The following FARP1 variants were observed in gnomAD, a reference collection of about 807,000 sequenced individuals.
FARP1 encodes the protein FERM, ARH/RhoGEF and pleckstrin domain protein 1.
Under a neutral mutation model 128.8 loss-of-function variants are expected in FARP1, and 52 were observed. The observed-to-expected ratio is 0.40, with a 90% CI of 0.32 to 0.51. FARP1 has a LOEUF of 0.51. Ranked by LOEUF, FARP1 falls within the 20% of genes least tolerant of loss-of-function variation. FARP1 has a pLI of 0.45. For synonymous variants in FARP1, 580 were observed against 551.8 expected (o/e 1.05, Z -0.72); for missense variants, 1,333 against 1,367.9 (o/e 0.97, Z 0.40).
At chr13:98,331,202 A>T (rs920448831) in intron 2 of FARP1, among the ~76,000 whole-genome samples, 7 of 152,222 alleles carry the variant, frequency 4.6e-5, no homozygotes, top group Non-Finnish European at 1.0e-4. Context: ...TAGTCCTTCT[A>T]GACTGTCAGC....
intron 2 of FARP1, among the ~76,000 whole-genome samples, chr13:98,313,554 T>A (rs1180891458): frequency 6.6e-6 from 1 of 152,190 alleles, no homozygotes; most frequent in Non-Finnish European, 1.5e-5. Flanking sequence ...GAGAATAAAC[T>A]TCTGTTCCTT....
chr13:98,198,741 G>A (rs181632296), intron 1 of FARP1, among the ~76,000 whole-genome samples: 3 of 151,306 alleles, frequency 2.0e-5, no homozygotes, highest in African/African-American at 7.3e-5. Context: ...AGCTGGGCAC[G>A]GTGGCACATG....
At chr13:98,409,301 A>G in intron 13 of FARP1, 37 bp from the exon 14 acceptor site, 1 of 739,168 alleles carries the variant, frequency 1.4e-6, no homozygotes, top group South Asian at 2.2e-5. Flanking sequence ...GAAAAAAATT[A>G]CTTTTTTTTT....
At chr13:98,174,912 G>T (rs1042669156) in intron 1 of FARP1, among the ~76,000 whole-genome samples, 1 of 152,202 alleles carries the variant, frequency 6.6e-6, no homozygotes, top group South Asian at 2.1e-4. Flanking sequence ...ATCCTATCTC[G>T]CTCCTGGGTC....
At chr13:98,232,520 A>T (rs1882191798) in intron 2 of FARP1, among the ~76,000 whole-genome samples, 1 of 152,154 alleles carries the variant, frequency 6.6e-6, no homozygotes, top group South Asian at 2.1e-4. Flanking sequence ...TGCATTTCGC[A>T]TGTCTATTGG....
intron 16 of FARP1, among the ~76,000 whole-genome samples, chr13:98,420,916 C>A (rs1196115017): frequency 6.6e-6 from 1 of 152,234 alleles, no homozygotes. Flanking sequence ...TCTAGATGGG[C>A]AGCAGGAATT....
At chr13:98,179,756 C>G (rs1413925050) in intron 1 of FARP1, among the ~76,000 whole-genome samples, 1 of 152,056 alleles carries the variant, frequency 6.6e-6, no homozygotes, top group African/African-American at 2.4e-5. Context: ...ACTCGGAAGG[C>G]TGAGGCAGGA....
At chr13:98,205,378 T>C (rs942795610) in intron 1 of FARP1, among the ~76,000 whole-genome samples, 1 of 152,142 alleles carries the variant, frequency 6.6e-6, no homozygotes, top group African/African-American at 2.4e-5. Flanking sequence ...TCTCTCTCTG[T>C]CTTCCATATC....
chr13:98,444,515 C>CTGAG (rs1892697016), intron 24 of FARP1, among the ~76,000 whole-genome samples: 1 of 152,192 alleles, frequency 6.6e-6, no homozygotes. Flanking sequence ...CCTCGGCCTC[C>CTGAG]TGAGTGCAGG....
At chr13:98,256,897 A>G (rs1883615881) in intron 2 of FARP1, among the ~76,000 whole-genome samples, 1 of 142,146 alleles carries the variant, frequency 7.0e-6, no homozygotes, top group Non-Finnish European at 1.5e-5. Flanking sequence ...ACAAGGAACA[A>G]TAATAAAAAG....
At chr13:98,370,213 A>C (rs1253206507) in intron 5 of FARP1, among the ~76,000 whole-genome samples, 2 of 152,182 alleles carry the variant, frequency 1.3e-5, no homozygotes, top group Admixed American at 1.3e-4. Flanking sequence ...AGAGAGATGG[A>C]GCAGTCAGTA....
intron 13 of FARP1, chr13:98,395,788 C>T (rs1358190731): frequency 1.5e-5 from 6 of 405,570 alleles, no homozygotes; most frequent in Admixed American, 8.5e-5. Context: ...GAGCGGGAGC[C>T]CTCGACTCCC....
chr13:98,143,646 G>A (rs977883597), intron 1 of FARP1, among the ~76,000 whole-genome samples, 154 bp downstream of exon 1: 2 of 151,104 alleles, frequency 1.3e-5, no homozygotes, highest in African/African-American at 2.4e-5. Flanking sequence ...GTCCTGCCCT[G>A]CGCAGTCGGG....
chr13:98,250,721 A>G (rs1460163828), intron 2 of FARP1, among the ~76,000 whole-genome samples: 1 of 53,370 alleles, frequency 1.9e-5, no homozygotes, highest in East Asian at 4.4e-4. Context: ...ACTCTGTCTC[A>G]AAAAAAAAAA....
rs56198675 is a variant in FARP1 at position 98,407,344 on chromosome 13, ATTT to A, written c.1415-1983_1415-1981del. 8.4e-3 allele frequency: 1,273 copies of A among 151,454 alleles called. 19 individuals carry two copies. Among genetic ancestry groups the A allele is most frequent in the African/African-American group, 0.028 (1,138 of 41,318 alleles). 9.4% of individuals were successfully genotyped at this position (151,454 alleles called of 1,614,324 possible). A position where few individuals can be genotyped will look rare whatever the true frequency, so the allele number is the denominator to read the frequency against. On this transcript the variant is annotated intron_variant, in intron 13 of 26. Transcript: ENST00000319562. Reference sequence around the variant, plus strand: ...TAGTGATAACATTTTTCTTTTTGTGATTTTTTTTTTTTTAAATAATAGTGTAGT... The same window carrying A: ...TAGTGATAACATTTTTCTTTTTGTGATTTTTTTTTTAAATAATAGTGTAGT...
chr13:98,431,617 A>T (rs2139055154), intron 18 of FARP1: 1 of 177,108 alleles, frequency 5.6e-6, no homozygotes, highest in East Asian at 1.5e-4. Flanking sequence ...GCCCGCCACC[A>T]CGCCCGGCTA....
intron 2 of FARP1, among the ~76,000 whole-genome samples, chr13:98,230,636 C>CT (rs11312519): frequency 0.029 from 4,384 of 151,704 alleles, 101 homozygotes; most frequent in Non-Finnish European, 0.047. Flanking sequence ...CTTTTTTCTG[C>CT]TTTTTTTTAA....
At chr13:98,159,009 A>C (rs1445308940) in intron 1 of FARP1, among the ~76,000 whole-genome samples, 1 of 152,198 alleles carries the variant, frequency 6.6e-6, no homozygotes, top group African/African-American at 2.4e-5. Flanking sequence ...GAGCAGAAAA[A>C]TAAGAAAAGT....
At position 98,452,952 on chromosome 13, in the gene FARP1, A is replaced by T; in HGVS notation, c.*4635A>T. On this transcript the variant is annotated 3_prime_UTR_variant, in exon 27 of 27. Transcript: ENST00000319562. Reference sequence around the variant, plus strand: ...AAAAGTAATAAAATAAAATAAAATGATCGCTGGAAGGAGCTGACCCTCCCC... The same window carrying T: ...AAAAGTAATAAAATAAAATAAAATGTTCGCTGGAAGGAGCTGACCCTCCCC... The T allele has an allele frequency of 4.5e-6, 2 of 448,312 alleles. No homozygotes were observed. The highest frequency in any genetic ancestry group is 7.9e-6 in the Non-Finnish European group (2 of 254,518). 27.8% of individuals were successfully genotyped at this position (448,312 alleles called of 1,614,324 possible).
Sources: gnomAD v4.1 joint callset for allele counts (sites outside exome capture counted in the v4.1 genomes callset) on GRCh38, gnomAD v4.1.1 for gene constraint, MANE v1.5 for transcripts, NCBI Gene and HGNC (gene_info 2026-07-23, HGNC 2026-07-21) for gene names.